The following CA5A variants were observed in gnomAD, a reference collection of about 807,000 sequenced individuals.
The protein encoded by CA5A is carbonic anhydrase 5A, also known as carbonic anhydrase 5A, mitochondrial.
A neutral mutation model predicts 37.1 loss-of-function variants in CA5A; 28 were observed. The observed-to-expected ratio is 0.75, with a 90% CI of 0.56 to 1.03. The LOEUF is 1.03. Among genes scored for constraint, CA5A ranks in the 50% least tolerant of loss-of-function variants. CA5A has a pLI of 0.00. For missense variants in CA5A, 444 were observed against 399.9 expected, an observed-to-expected ratio of 1.11 and a Z score of -0.94; for synonymous variants, 171 against 158.4, an observed-to-expected ratio of 1.08 and a Z score of -0.60.
intron 3 of CA5A, among the ~76,000 whole-genome samples, chr16:87,904,159 T>G (rs2055922751): frequency 6.6e-6 from 1 of 151,972 alleles, no homozygotes; most frequent in East Asian, 1.9e-4. Context: ...CTGGCCAACA[T>G]GGCGAAACCC....
intron 5 of CA5A, among the ~76,000 whole-genome samples, chr16:87,895,123 G>T (rs1012663956): frequency 1.3e-5 from 2 of 152,168 alleles, no homozygotes; most frequent in Non-Finnish European, 2.9e-5. Context: ...AGTGGTGCAC[G>T]CCTGTGGTCC....
chr16:87,924,981 G>A (rs969090226), intron 2 of CA5A, among the ~76,000 whole-genome samples: 20 of 152,328 alleles, frequency 1.3e-4, no homozygotes, highest in African/African-American at 4.8e-4. Flanking sequence ...GCTCATTTAT[G>A]CCTTCAACTC....
chr16:87,915,388 G>T (rs116552678), intron 2 of CA5A, among the ~76,000 whole-genome samples: 1,862 of 152,174 alleles, frequency 0.012, 33 homozygotes, highest in African/African-American at 0.044. Flanking sequence ...GGAAAAACAA[G>T]GCCAGGCGTG....
At chr16:87,902,028 A>T (rs1248322826) in intron 4 of CA5A, 54 bp from the exon 5 acceptor site, 5 of 1,466,618 alleles carry the variant, frequency 3.4e-6, no homozygotes, top group East Asian at 4.5e-5. Context: ...TGGGGGGGGA[A>T]GCTCACTCCA....
downstream of CA5A, chr16:87,887,838 A>C: frequency 3.4e-6 from 1 of 295,408 alleles, no homozygotes. Flanking sequence ...CCGTAAGAGA[A>C]TCAATCTCCA....
In CA5A at chr16:87,906,678, G is replaced by T. The variant is rs1282920695; in HGVS notation, c.341-1774C>A. ...GCACCAAGGTGTAAACTGGAAAATG[G>T]AAAATGGATTTGGCTTTAGTCCAGT... On this transcript the variant is annotated intron_variant, in intron 2 of 6. Coordinates refer to ENST00000649794, the MANE Select transcript of CA5A (RefSeq NM_001739.2). Among the ~76,000 whole-genome samples, 4 of 152,164 alleles carry T rather than the reference G, an allele frequency of 2.6e-5. No individual in the cohort carries two copies. The South Asian group carries it at 8.3e-4, about 32-fold the overall frequency.
At chr16:87,923,561 C>A (rs1384933872) in intron 2 of CA5A, 4 of 984,998 alleles carry the variant, frequency 4.1e-6, no homozygotes, top group African/African-American at 1.7e-5. Context: ...TCCCCTGGGG[C>A]CCCCTGTTCC....
intron 2 of CA5A, among the ~76,000 whole-genome samples, 190 bp from the exon 3 acceptor site, chr16:87,905,094 C>A (rs8051832): frequency 4.6e-5 from 7 of 151,724 alleles, no homozygotes; most frequent in African/African-American, 9.7e-5. Flanking sequence ...TCTGCCCCCC[C>A]CCAGCCCAGC....
chr16:87,909,179 G>A (rs1373858368), intron 2 of CA5A, among the ~76,000 whole-genome samples: 1 of 152,004 alleles, frequency 6.6e-6, no homozygotes, highest in Non-Finnish European at 1.5e-5. Context: ...CGGATCCCCC[G>A]CCTCTCTACT....
intron 5 of CA5A, among the ~76,000 whole-genome samples, chr16:87,895,551 G>GAAAACAA (rs199729894): frequency 6.6e-6 from 1 of 151,718 alleles, no homozygotes; most frequent in East Asian, 1.9e-4. Flanking sequence ...ATCTCAAAAA[G>GAAAACAA]AAAACAAAAA....
rs138915742 is a variant in CA5A, at chr16:87,922,705, G to A, written c.340+4043C>T. 1.8e-3 allele frequency among the ~76,000 whole-genome samples: 276 copies of A among 152,366 alleles called. 1 individual carries two copies. The highest frequency in any genetic ancestry group is 6.2e-3 in the African/African-American group (257 of 41,586). On this transcript the variant is annotated intron_variant, in intron 2 of 6. Coordinates refer to ENST00000649794, the MANE Select transcript of CA5A (RefSeq NM_001739.2). Reference sequence around the variant, plus strand: ...CCAGCTGCCGGCTCTCCTGGGGACCGACTGTGACCTTGGCCTCACTCACCC... The same window carrying A: ...CCAGCTGCCGGCTCTCCTGGGGACCAACTGTGACCTTGGCCTCACTCACCC...
chr16:87,934,211 T>G (rs1272548183), intron 1 of CA5A, among the ~76,000 whole-genome samples: 1 of 152,240 alleles, frequency 6.6e-6, no homozygotes, highest in Non-Finnish European at 1.5e-5. Flanking sequence ...CACTGTGCCG[T>G]AAGCACCATT....
rs140085252 is a variant in CA5A, at chr16:87,924,345, GGA to G, written c.340+2401_340+2402del. ...GCGTGGCTCCTTCTCACCTTCGAAA[GGA>G]GAGAGAGACACTGGAAGGACCAAGC... On this transcript the variant is annotated intron_variant, in intron 2 of 6. Coordinates refer to ENST00000649794, the MANE Select transcript of CA5A (RefSeq NM_001739.2). 10,089 of 982,038 alleles carry G rather than the reference GGA, an allele frequency of 0.01. 831 individuals are homozygous for G. The African/African-American group carries it at 0.16, about 16-fold the overall frequency. The allele number at this position is 982,038 out of a possible 1,614,324, so 60.8% of individuals were successfully genotyped here.
At chr16:87,904,333 C>A (rs7187243) in intron 3 of CA5A, among the ~76,000 whole-genome samples, 3 of 145,056 alleles carry the variant, frequency 2.1e-5, no homozygotes, top group Non-Finnish European at 4.4e-5. Flanking sequence ...CAGAGTGAAC[C>A]CTGTTTCAAA....
In CA5A at chr16:87,902,476, C is replaced by A. The variant is rs750318238; in HGVS notation, c.504G>T (p.Lys168Asn). 6.2e-7 allele frequency: 1 copy of A among 1,612,438 alleles called. No individual in the cohort carries two copies. Among genetic ancestry groups the A allele is most frequent in the East Asian group, 2.2e-5 (1 of 44,890 alleles). ...AACCATTCTCTCCCACGACAGCTTC[C>A]TTGTAATTTTGGTATTTCACAGAAT... ...HWNSVKYQNY[K>N]EAVVGENGLA... Residue 168 changes from lysine to asparagine, a missense_variant, in exon 4 of 7, where the codon AAG becomes AAT. Physicochemically the swap from Lys to Asn is moderately conservative, Grantham distance 94. Coordinates refer to ENST00000649794, the MANE Select transcript of CA5A (RefSeq NM_001739.2).
At chr16:87,894,491 G>A (rs1178655513) in intron 5 of CA5A, among the ~76,000 whole-genome samples, 2 of 151,904 alleles carry the variant, frequency 1.3e-5, no homozygotes, top group Admixed American at 1.3e-4. Flanking sequence ...GCTACCAGAA[G>A]GAAGCCCGGG....
At chr16:87,914,991 G>C (rs928582071) in intron 2 of CA5A, among the ~76,000 whole-genome samples, 6 of 152,228 alleles carry the variant, frequency 3.9e-5, no homozygotes, top group African/African-American at 1.4e-4. Context: ...ACGGGTGAGG[G>C]GTGTGAGCGA....
At chr16:87,895,375 G>A (rs763495014) in intron 5 of CA5A, among the ~76,000 whole-genome samples, 1 of 152,088 alleles carries the variant, frequency 6.6e-6, no homozygotes, top group African/African-American at 2.4e-5. Context: ...GCGAAACCAT[G>A]TCTCTACTAA....
intron 1 of CA5A, among the ~76,000 whole-genome samples, chr16:87,929,891 A>AAAT (rs1305862923): frequency 4.6e-5 from 7 of 151,642 alleles, no homozygotes; most frequent in Non-Finnish European, 1.0e-4. Flanking sequence ...AAAAAAAAAA[A>AAAT]AAAAATAAGT....
Sources: allele counts gnomAD v4.1 joint callset (sites outside exome capture counted in the v4.1 genomes callset), GRCh38; gene constraint gnomAD v4.1.1; transcripts MANE v1.5; gene names NCBI Gene and HGNC (gene_info 2026-07-23, HGNC 2026-07-21).